CABCOCO1: variants seen among roughly 807,000 people sequenced by gnomAD.
CABCOCO1 encodes the protein ciliary associated calcium binding coiled-coil 1, also known as ciliary-associated calcium-binding coiled-coil protein 1.
CABCOCO1 carries 28 observed loss-of-function variants against 35.7 expected under a neutral mutation model. That is an observed-to-expected ratio of 0.78 (90% CI 0.58 to 1.07). The LOEUF is 1.07. CABCOCO1 is among the 50% of genes least tolerant of loss of function. The probability of loss-of-function intolerance (pLI) is 0.00; values close to 1 mark genes in which losing one functional copy is unlikely to be tolerated. For synonymous variants in CABCOCO1, 95 were observed against 100.1 expected, an observed-to-expected ratio of 0.95 and a Z score of 0.30; for missense variants, 326 against 309.2, an observed-to-expected ratio of 1.05 and a Z score of -0.41.
intron 5 of CABCOCO1, among the ~76,000 whole-genome samples, chr10:61,704,361 T>C (rs941180652): frequency 3.9e-5 from 6 of 152,234 alleles, no homozygotes; most frequent in African/African-American, 1.4e-4. Context: ...ACTTCTAAGA[T>C]GAGGCTATAA....
intron 5 of CABCOCO1, among the ~76,000 whole-genome samples, chr10:61,726,896 GA>G (rs947127512): frequency 0.16 from 14,537 of 88,620 alleles, 1,038 homozygotes; most frequent in East Asian, 0.26. Flanking sequence ...CGTCTCTACA[GA>G]AAAAAAAAAA....
chr10:61,668,791 T>C (rs954203979), intron 1 of CABCOCO1, among the ~76,000 whole-genome samples: 1 of 151,472 alleles, frequency 6.6e-6, no homozygotes, highest in Non-Finnish European at 1.5e-5. Flanking sequence ...GGCACTCTCC[T>C]TGGGCACAGA....
At position 61,696,119 on chromosome 10, in the gene CABCOCO1, G is replaced by A. The variant is rs143798982; in HGVS notation, c.552+5498G>A. Among the ~76,000 whole-genome samples the A allele has an allele frequency of 3.1e-4, 47 of 152,198 alleles. 1 individual carries two copies. In the East Asian group the frequency reaches 9.1e-3, roughly 29 times the overall value. On this transcript the variant is annotated intron_variant, in intron 5 of 7. Coordinates refer to ENST00000648843, the MANE Select transcript of CABCOCO1 (RefSeq NM_001366906.2). ...ATGTTTTGTGAGGTTTAAAATACAC[G>A]ATGACAATAGCATATAAGTTGACAG...
chr10:61,690,535 A>G lies in CABCOCO1; in HGVS notation c.480-14A>G. On this transcript the variant is annotated splice_polypyrimidine_tract_variant and intron_variant, in intron 4 of 7. Transcript: ENST00000648843. ...AATCAACTTATCAGAGTGCACATTTATTTTATATTTCAGCTTATTTCAACA... is the reference window on the plus strand; with the variant it reads ...AATCAACTTATCAGAGTGCACATTTGTTTTATATTTCAGCTTATTTCAACA... 1 of 1,564,260 alleles carries G rather than the reference A, an allele frequency of 6.4e-7. No homozygotes were observed. Among genetic ancestry groups the G allele is most frequent in the Non-Finnish European group, 8.8e-7 (1 of 1,141,914 alleles).
At chr10:61,700,064 A>C (rs1840409383) in intron 5 of CABCOCO1, among the ~76,000 whole-genome samples, 1 of 152,142 alleles carries the variant, frequency 6.6e-6, no homozygotes. Context: ...GCCCATGACC[A>C]GGAAATTAAA....
rs1219200900 is a variant in CABCOCO1 at position 61,724,432 on chromosome 10, A to T, written c.552+33811A>T. Among the ~76,000 whole-genome samples the T allele has an allele frequency of 4.6e-5, 7 of 152,366 alleles. No homozygotes were observed. In the East Asian group the frequency reaches 1.2e-3, roughly 25 times the overall value. On this transcript the variant is annotated intron_variant, in intron 5 of 7. Coordinates refer to ENST00000648843, the MANE Select transcript of CABCOCO1 (RefSeq NM_001366906.2). Reference sequence around the variant, plus strand: ...AGGATATGGAAAAGACCAACAGATCATTGTAGCACAATAAAGAGTTTAGAA... The same window carrying T: ...AGGATATGGAAAAGACCAACAGATCTTTGTAGCACAATAAAGAGTTTAGAA...
intron 5 of CABCOCO1, among the ~76,000 whole-genome samples, chr10:61,720,113 A>G (rs1457010369): frequency 2.0e-5 from 3 of 152,090 alleles, no homozygotes; most frequent in Non-Finnish European, 2.9e-5. Flanking sequence ...ACATTTGGGC[A>G]AGGAAGAAAC....
At chr10:61,735,891 A>G (rs1841404955) in intron 5 of CABCOCO1, among the ~76,000 whole-genome samples, 1 of 151,954 alleles carries the variant, frequency 6.6e-6, no homozygotes, top group Non-Finnish European at 1.5e-5. Flanking sequence ...AAAACAAACT[A>G]CGCTTCTCTA....
chr10:61,746,757 T>C (rs1355985184), intron 5 of CABCOCO1, among the ~76,000 whole-genome samples: 1 of 152,184 alleles, frequency 6.6e-6, no homozygotes, highest in African/African-American at 2.4e-5. Context: ...AGGAATATTC[T>C]ATGTTCTCAC....
intron 5 of CABCOCO1, among the ~76,000 whole-genome samples, chr10:61,735,845 C>A (rs1841403690): frequency 6.6e-6 from 1 of 152,116 alleles, no homozygotes; most frequent in South Asian, 2.1e-4. Context: ...TGGTTCAGAA[C>A]CCCGACCATG....
At chr10:61,708,862 T>A (rs1840657809) in intron 5 of CABCOCO1, among the ~76,000 whole-genome samples, 1 of 152,164 alleles carries the variant, frequency 6.6e-6, no homozygotes, top group African/African-American at 2.4e-5. Flanking sequence ...TTATTTTCCT[T>A]TCTTTTGTCC....
intron 5 of CABCOCO1, among the ~76,000 whole-genome samples, chr10:61,727,345 T>C (rs1259030007): frequency 6.6e-6 from 1 of 152,206 alleles, no homozygotes; most frequent in Non-Finnish European, 1.5e-5. Flanking sequence ...GAAAGATGTA[T>C]AAATTGTTCA....
At chr10:61,680,404 A>ATAACATATATAATATATATTTATATAT (rs1364796064) in intron 2 of CABCOCO1, among the ~76,000 whole-genome samples, 2 of 135,036 alleles carry the variant, frequency 1.5e-5, no homozygotes, top group African/African-American at 2.8e-5. Context: ...ATTTTTATAT[A>ATAACATATATAATATATATTTATATAT]TAACATATAT....
chr10:61,691,187 A>T (rs1840129187), intron 5 of CABCOCO1, among the ~76,000 whole-genome samples: 2 of 152,172 alleles, frequency 1.3e-5, no homozygotes, highest in Non-Finnish European at 2.9e-5. Context: ...CAATAAGCAT[A>T]TCAATATTCA....
At chr10:61,714,430 T>C (rs757100361) in intron 5 of CABCOCO1, among the ~76,000 whole-genome samples, 1 of 151,970 alleles carries the variant, frequency 6.6e-6, no homozygotes, top group African/African-American at 2.4e-5. Flanking sequence ...GCTAGTGGTC[T>C]ATCAATTTTG....
At chr10:61,714,399 C>G (rs1182230576) in intron 5 of CABCOCO1, among the ~76,000 whole-genome samples, 1 of 152,062 alleles carries the variant, frequency 6.6e-6, no homozygotes, top group Non-Finnish European at 1.5e-5. Context: ...ATTCTTCTCT[C>G]TTTTCTTCTT....
At chr10:61,679,894 A>C (rs542427010) in intron 2 of CABCOCO1, among the ~76,000 whole-genome samples, 1 of 152,322 alleles carries the variant, frequency 6.6e-6, no homozygotes, top group Admixed American at 6.5e-5. Flanking sequence ...TAAAGAAATA[A>C]AAGATTATAA....
chr10:61,669,401 G>A (rs1172742795), intron 1 of CABCOCO1, among the ~76,000 whole-genome samples: 1 of 151,976 alleles, frequency 6.6e-6, no homozygotes, highest in Non-Finnish European at 1.5e-5. Context: ...TATTTTCCTA[G>A]TTGGAGATGT....
chr10:61,720,914 A>ATCCTTTT (rs1840992337), intron 5 of CABCOCO1, among the ~76,000 whole-genome samples: 1 of 60,284 alleles, frequency 1.7e-5, no homozygotes, highest in African/African-American at 4.7e-5. Context: ...TTTTCTTTTC[A>ATCCTTTT]TTCTTTTTTT....
Sources: gnomAD v4.1 joint callset for allele counts (sites outside exome capture counted in the v4.1 genomes callset) on GRCh38, gnomAD v4.1.1 for gene constraint, MANE v1.5 for transcripts, NCBI Gene and HGNC (gene_info 2026-07-23, HGNC 2026-07-21) for gene names.